HMCN1: variants seen among roughly 807,000 people sequenced by gnomAD.
HMCN1 encodes the protein hemicentin 1.
Under a neutral mutation model 625.9 loss-of-function variants are expected in HMCN1, and 321 were observed. The observed-to-expected ratio is 0.51, with a 90% confidence interval of 0.47 to 0.56. The LOEUF is 0.56. HMCN1 is among the 20% of genes least tolerant of loss of function. HMCN1 has a pLI of 0.00. For missense variants in HMCN1, 6,588 were observed against 6,887.3 expected, an observed-to-expected ratio of 0.96 and a Z score of 1.54; for synonymous variants, 2,425 against 2,417.6, an observed-to-expected ratio of 1.00 and a Z score of -0.09.
chr1:186,120,499 C>G (rs991663879), intron 80 of HMCN1, among the ~76,000 whole-genome samples: 2 of 152,178 alleles, frequency 1.3e-5, no homozygotes, highest in Non-Finnish European at 2.9e-5. Context: ...TAACGTTCCA[C>G]TTAAAAAATC....
chr1:185,777,939 G>A (rs188906106), intron 1 of HMCN1, among the ~76,000 whole-genome samples: 23 of 152,258 alleles, frequency 1.5e-4, no homozygotes, highest in South Asian at 6.2e-4. Flanking sequence ...TTATGGTTAC[G>A]GGGGAGAGCA....
intron 11 of HMCN1, among the ~76,000 whole-genome samples, chr1:185,936,960 A>G (rs1199004414): frequency 1.3e-5 from 2 of 152,230 alleles, no homozygotes; most frequent in Non-Finnish European, 2.9e-5. Flanking sequence ...CTAGTTTTGG[A>G]TGAGTGTCAC....
At chr1:186,122,743 T>G (rs1446390839) in intron 80 of HMCN1, among the ~76,000 whole-genome samples, 1 of 152,174 alleles carries the variant, frequency 6.6e-6, no homozygotes, top group East Asian at 1.9e-4. Flanking sequence ...CACTTAACAT[T>G]TATGGGTTAG....
At position 185,866,641 on chromosome 1, in the gene HMCN1, C is replaced by T. The variant is rs537010023; in HGVS notation, c.621+778C>T. Among the ~76,000 whole-genome samples the T allele has an allele frequency of 2.2e-3, 330 of 151,794 alleles. 2 individuals are homozygous for T. The highest frequency in any genetic ancestry group is 7.5e-3 in the African/African-American group (311 of 41,450). On this transcript the variant is annotated intron_variant, in intron 4 of 106. Transcript: ENST00000271588. ...CGGGATGATCTCGATCTCCTGACCT[C>T]GTGATCCGCCCGCCTCGGCCTCCCA...
intron 104 of HMCN1, among the ~76,000 whole-genome samples, chr1:186,180,233 ACT>A (rs1652853474): frequency 6.6e-6 from 1 of 151,998 alleles, no homozygotes; most frequent in Non-Finnish European, 1.5e-5. Flanking sequence ...TTTTGATCTG[ACT>A]CTTCATTAAA....
Position 185,911,714 on chromosome 1 carries a change from A to G in HMCN1, c.834A>G (p.Leu278=). 6.2e-7 allele frequency: 1 copy of G among 1,613,512 alleles called. No individual in the cohort carries two copies. The highest frequency in any genetic ancestry group is 8.5e-7 in the Non-Finnish European group (1 of 1,179,504). ...IKKGFGLHEL[L]NIHNSAKVVN... is the part of the protein sequence containing the mutation. ...AGGGATTTGGCCTGCATGAGCTATT[A>G]AATATCCATAACTCTGCCAAAGTAG... Residue 278 remains leucine (L), a synonymous_variant, in exon 6 of 107, where the codon TTA becomes TTG. Coordinates refer to ENST00000271588, the MANE Select transcript of HMCN1 (RefSeq NM_031935.3).
At chr1:185,957,439 G>A (rs757376283) in intron 11 of HMCN1, among the ~76,000 whole-genome samples, 4 of 152,118 alleles carry the variant, frequency 2.6e-5, no homozygotes, top group Admixed American at 6.6e-5. Flanking sequence ...AGAAGGGGAC[G>A]TTTTTATATA....
chr1:186,123,107 G>A lies in HMCN1; in HGVS notation c.12386G>A (p.Ser4129Asn), dbSNP rs778451813. 1 of 1,614,130 alleles carries A rather than the reference G, an allele frequency of 6.2e-7. No individual in the cohort carries two copies. Among genetic ancestry groups the A allele is most frequent in the Non-Finnish European group, 8.5e-7 (1 of 1,180,004 alleles). The change falls in exon 81 of 107, where the codon AGC becomes AAC. Residue 4129 changes from serine (S) to asparagine (N), a missense_variant. This residue lies in a region of HMCN1 where 1,954 missense variants were observed against 2,013.1 expected (regional missense o/e 0.97). Coordinates refer to ENST00000271588, the MANE Select transcript of HMCN1 (RefSeq NM_031935.3). ...IVESIRQRVLSSGSLQIAFVQ... is the reference protein window; with the variant it reads ...IVESIRQRVLNSGSLQIAFVQ... Reference sequence around the variant, plus strand: ...GAATCTATCCGCCAGCGCGTCCTCAGCTCTGGCTCTCTGCAAATAGCATTT... The same window carrying A: ...GAATCTATCCGCCAGCGCGTCCTCAACTCTGGCTCTCTGCAAATAGCATTT...
intron 1 of HMCN1, among the ~76,000 whole-genome samples, chr1:185,791,723 A>G (rs1321159452): frequency 6.7e-6 from 1 of 150,100 alleles, no homozygotes; most frequent in East Asian, 1.9e-4. Context: ...CCATCTCAAA[A>G]ATAAACAAAC....
chr1:185,995,091 A>G lies in HMCN1; in HGVS notation c.3778+4A>G, dbSNP rs1452394992. Reference sequence around the variant, plus strand: ...GAGATAACGCTACATGTCCAAGGTGATTCTTGACACAGGAAAATATATGTA... The same window carrying G: ...GAGATAACGCTACATGTCCAAGGTGGTTCTTGACACAGGAAAATATATGTA... On this transcript the variant is annotated splice_donor_region_variant and intron_variant, in intron 24 of 106. Coordinates refer to ENST00000271588, the MANE Select transcript of HMCN1 (RefSeq NM_031935.3). The G allele has an allele frequency of 3.1e-6, 5 of 1,613,312 alleles. No individual in the cohort carries two copies. The Admixed American group carries it at 6.7e-5, about 22-fold the overall frequency.
At chr1:185,951,949 C>T (rs560529668) in intron 11 of HMCN1, among the ~76,000 whole-genome samples, 9 of 151,678 alleles carry the variant, frequency 5.9e-5, no homozygotes, top group South Asian at 2.1e-4. Flanking sequence ...GTTTGAGGGC[C>T]GGAATTTAAT....
chr1:185,881,461 T>G (rs947653007), intron 4 of HMCN1, among the ~76,000 whole-genome samples: 2 of 152,184 alleles, frequency 1.3e-5, no homozygotes, highest in Non-Finnish European at 2.9e-5. Context: ...AGTATCCAGC[T>G]TCTTCTTCTC....
chr1:186,088,824 C>A, intron 63 of HMCN1, 69 bp downstream of exon 63: 1 of 1,426,306 alleles, frequency 7.0e-7, no homozygotes, highest in Non-Finnish European at 9.7e-7. Flanking sequence ...AAATAATCTA[C>A]ATTTAAAGGT....
At chr1:185,849,320 A>G (rs1323913553) in intron 2 of HMCN1, among the ~76,000 whole-genome samples, 1 of 152,052 alleles carries the variant, frequency 6.6e-6, no homozygotes, top group Non-Finnish European at 1.5e-5. Flanking sequence ...CCTGTATTCA[A>G]AGTCTCATCT....
rs2102690671 is a variant in HMCN1 at position 186,190,926 on chromosome 1, A to C, written c.*1048A>C. ...TGTTACACTAAAATCAGCCTAAATA[A>C]ATTTTCACAACTTTTTTTCATAACC... is the stretch of plus-strand genomic sequence containing the variant. On this transcript the variant is annotated 3_prime_UTR_variant, in exon 107 of 107. Coordinates refer to ENST00000271588, the MANE Select transcript of HMCN1 (RefSeq NM_031935.3). The C allele has an allele frequency of 5.6e-6, 1 of 179,566 alleles. No individual in the cohort carries two copies. Among genetic ancestry groups the C allele is most frequent in the African/African-American group, 2.4e-5 (1 of 42,550 alleles). 11.1% of individuals were successfully genotyped at this position (179,566 alleles called of 1,614,324 possible).
intron 105 of HMCN1, among the ~76,000 whole-genome samples, chr1:186,184,319 C>CAA (rs1286515959): frequency 6.6e-6 from 1 of 152,102 alleles, no homozygotes; most frequent in Non-Finnish European, 1.5e-5. Flanking sequence ...TATAAGGAAC[C>CAA]AAAGACTGCT....
intron 2 of HMCN1, among the ~76,000 whole-genome samples, chr1:185,847,638 TTCTC>T (rs1455545857): frequency 6.6e-6 from 1 of 152,186 alleles, no homozygotes; most frequent in Non-Finnish European, 1.5e-5. Context: ...ATCAAACTGT[TTCTC>T]TCAACTGTTA....
intron 18 of HMCN1, 137 bp downstream of exon 18, chr1:185,982,526 T>C: frequency 9.0e-6 from 7 of 780,860 alleles, no homozygotes; most frequent in Middle Eastern, 3.6e-4. Flanking sequence ...CCGCAACCTC[T>C]GCCTCCTGGG....
rs1279784915 is a variant in HMCN1 at position 186,074,723 on chromosome 1, G to T, written c.8140-18G>T. 2 of 1,610,614 alleles carry T rather than the reference G, an allele frequency of 1.2e-6. No individual in the cohort carries two copies. The highest frequency in any genetic ancestry group is 1.7e-6 in the Non-Finnish European group (2 of 1,177,484). ...CATTATAGCACTTAATGCTAACATT[G>T]TTATAATTGAATCACAGCCCCTTAA... On this transcript the variant is annotated intron_variant, in intron 52 of 106. Transcript: ENST00000271588.
Sources: gnomAD v4.1 joint callset for allele counts (sites outside exome capture counted in the v4.1 genomes callset) on GRCh38, gnomAD v4.1.1 for gene constraint, gnomAD v4.1.1 regional missense constraint, MANE v1.5 for transcripts, NCBI Gene and HGNC (gene_info 2026-07-23, HGNC 2026-07-21) for gene names.